The following WWOX variants were observed in gnomAD, a reference collection of about 807,000 sequenced individuals.
WWOX encodes the protein WW domain containing oxidoreductase, also known as WW domain-containing oxidoreductase.
Under a neutral mutation model 46.2 loss-of-function variants are expected in WWOX, and 69 were observed. The observed-to-expected ratio is 1.49, with a 90% confidence interval of 1.23 to 1.82. The LOEUF (loss-of-function observed/expected upper bound fraction) is 1.82, where lower values mean the gene tolerates loss of function less well. Among genes scored for constraint, WWOX ranks in the 40% most tolerant of loss-of-function variants. The pLI, the probability that WWOX is intolerant of heterozygous loss-of-function variation, is 0.00. For synonymous variants in WWOX, 359 were observed against 202.6 expected (o/e 1.77, Z -6.56); for missense variants, 919 against 542.6 (o/e 1.69, Z -6.89).
intron 8 of WWOX, among the ~76,000 whole-genome samples, chr16:78,931,305 A>G (rs1213813803): frequency 6.6e-6 from 1 of 152,162 alleles, no homozygotes; most frequent in Admixed American, 6.5e-5. Context: ...CCCAATCTGA[A>G]CGGTAGTCAA....
intron 8 of WWOX, among the ~76,000 whole-genome samples, chr16:78,910,110 G>A (rs912908368): frequency 6.8e-6 from 1 of 146,060 alleles, no homozygotes; most frequent in Non-Finnish European, 1.5e-5. Context: ...GATCGTTTGT[G>A]CTTTGTTAAA....
chr16:79,006,456 G>C (rs1489351830), intron 8 of WWOX, among the ~76,000 whole-genome samples: 1 of 152,052 alleles, frequency 6.6e-6, no homozygotes, highest in African/African-American at 2.4e-5. Context: ...TTTCTAAGCT[G>C]TAGATAACAA....
chr16:78,398,518 C>T (rs981894931), intron 6 of WWOX, among the ~76,000 whole-genome samples: 3 of 152,218 alleles, frequency 2.0e-5, no homozygotes, highest in South Asian at 4.1e-4. Flanking sequence ...TCTACCTGCT[C>T]TTACCCGGGC....
chr16:79,007,165 A>AGG (rs1361883091), intron 8 of WWOX, among the ~76,000 whole-genome samples: 4 of 152,204 alleles, frequency 2.6e-5, no homozygotes, highest in Non-Finnish European at 5.9e-5. Context: ...TGTTCCAGTG[A>AGG]GGGTGAAGGG....
chr16:78,385,371 T>A (rs967994908), intron 5 of WWOX, among the ~76,000 whole-genome samples: 1 of 152,222 alleles, frequency 6.6e-6, no homozygotes, highest in African/African-American at 2.4e-5. Flanking sequence ...TCTCTGCTAG[T>A]TAAATTAATT....
intron 8 of WWOX, among the ~76,000 whole-genome samples, chr16:78,480,490 A>G (rs1195773525): frequency 6.6e-6 from 1 of 152,274 alleles, no homozygotes; most frequent in East Asian, 1.9e-4. Context: ...TCTTTGAAAT[A>G]GGACTATTGT....
intron 8 of WWOX, among the ~76,000 whole-genome samples, chr16:79,048,776 T>A (rs1034142103): frequency 3.9e-5 from 6 of 152,196 alleles, no homozygotes; most frequent in African/African-American, 1.4e-4. Flanking sequence ...GGCAGGAGCC[T>A]CGTTACCACC....
intron 8 of WWOX, among the ~76,000 whole-genome samples, chr16:78,950,033 G>T (rs4888887): frequency 0.3 from 45,732 of 152,060 alleles, 7,928 homozygotes; most frequent in Non-Finnish European, 0.39. Flanking sequence ...CCAAGGCTGT[G>T]CAGCTCTAGG....
At chr16:78,107,385 T>C (rs1457401502) in intron 1 of WWOX, among the ~76,000 whole-genome samples, 1 of 152,254 alleles carries the variant, frequency 6.6e-6, no homozygotes, top group Non-Finnish European at 1.5e-5. Flanking sequence ...TTTGTGTAAC[T>C]GATTTGTTCA....
chr16:78,785,867 A>C (rs2050443064), intron 8 of WWOX, among the ~76,000 whole-genome samples: 1 of 151,832 alleles, frequency 6.6e-6, no homozygotes, highest in Admixed American at 6.6e-5. Flanking sequence ...TAGCATCTGT[A>C]GAGCGACACA....
chr16:78,810,424 T>C (rs1268395002), intron 8 of WWOX, among the ~76,000 whole-genome samples: 1 of 152,214 alleles, frequency 6.6e-6, no homozygotes, highest in Non-Finnish European at 1.5e-5. Context: ...TGGCAGTTCA[T>C]ATAAGCTATC....
chr16:78,725,825 G>A (rs956449367), intron 8 of WWOX, among the ~76,000 whole-genome samples: 1 of 151,966 alleles, frequency 6.6e-6, no homozygotes, highest in Non-Finnish European at 1.5e-5. Flanking sequence ...GCGGTGCTTG[G>A]TGTTCCTTGG....
chr16:78,522,588 C>G (rs2043372819), intron 8 of WWOX, among the ~76,000 whole-genome samples: 1 of 152,196 alleles, frequency 6.6e-6, no homozygotes, highest in Non-Finnish European at 1.5e-5. Flanking sequence ...GGAAATTGCT[C>G]AGTTCCTGTT....
chr16:78,385,721 TATC>T (rs1293868458), intron 5 of WWOX, among the ~76,000 whole-genome samples: 1 of 152,144 alleles, frequency 6.6e-6, no homozygotes, highest in Non-Finnish European at 1.5e-5. Flanking sequence ...GCCTTACAGG[TATC>T]ATGTTATCCT....
chr16:78,280,925 G>C (rs1419362532), intron 5 of WWOX: 2 of 153,280 alleles, frequency 1.3e-5, no homozygotes, highest in Admixed American at 1.3e-4. Flanking sequence ...GCCAACAACT[G>C]TTCGAGAATT....
intron 8 of WWOX, among the ~76,000 whole-genome samples, chr16:78,543,167 C>G (rs764685703): frequency 5.3e-5 from 8 of 152,216 alleles, no homozygotes; most frequent in Non-Finnish European, 1.2e-4. Context: ...AGTCTGTGAT[C>G]TCACAGCTGC....
chr16:78,351,340 A>G (rs774420481), intron 5 of WWOX, among the ~76,000 whole-genome samples: 3 of 152,214 alleles, frequency 2.0e-5, no homozygotes, highest in Non-Finnish European at 4.4e-5. Context: ...ATTCCGCAGA[A>G]AAAAGTACTG....
intron 8 of WWOX, among the ~76,000 whole-genome samples, chr16:78,538,037 A>G (rs1474837211): frequency 6.6e-6 from 1 of 152,114 alleles, no homozygotes; most frequent in Non-Finnish European, 1.5e-5. Flanking sequence ...AGGGCAAATC[A>G]TGAACACTGT....
chr16:79,029,973 G>C (rs1366145085), intron 8 of WWOX, among the ~76,000 whole-genome samples: 4 of 152,152 alleles, frequency 2.6e-5, no homozygotes, highest in Non-Finnish European at 5.9e-5. Flanking sequence ...GATGATCCTG[G>C]TGGTAGGTAA....
Sources: gnomAD v4.1 joint callset for allele counts (sites outside exome capture counted in the v4.1 genomes callset) on GRCh38, gnomAD v4.1.1 for gene constraint, MANE v1.5 for transcripts, NCBI Gene and HGNC (gene_info 2026-07-23, HGNC 2026-07-21) for gene names.